The following RNF4 variants were observed in gnomAD, a reference collection of about 807,000 sequenced individuals.
The protein encoded by RNF4 is E3 ubiquitin-protein ligase RNF4.
RNF4 carries 7 observed loss-of-function variants against 24.3 expected under a neutral mutation model. That is an observed-to-expected ratio of 0.29 (90% confidence interval 0.16 to 0.54). The LOEUF (loss-of-function observed/expected upper bound fraction) is 0.54. Among genes scored for constraint, RNF4 ranks in the 20% least tolerant of loss-of-function variants. RNF4 has a pLI of 0.95. For synonymous variants in RNF4, 83 were observed against 84.3 expected, an observed-to-expected ratio of 0.98 and a Z score of 0.09; for missense variants, 209 against 248.5, an observed-to-expected ratio of 0.84 and a Z score of 1.07.
intron 7 of RNF4, among the ~76,000 whole-genome samples, chr4:2,513,434 C>G (rs1027501824): frequency 1.3e-5 from 2 of 152,222 alleles, no homozygotes; most frequent in African/African-American, 4.8e-5. Context: ...ACTGGGGTCC[C>G]TCATAACCCT....
chr4:2,496,267 A>G (rs1735732833), intron 2 of RNF4, among the ~76,000 whole-genome samples: 1 of 152,228 alleles, frequency 6.6e-6, no homozygotes, highest in African/African-American at 2.4e-5. Flanking sequence ...ATAGAAACTC[A>G]GAAAACTCCA....
chr4:2,493,745 A>T (rs1240250649), intron 2 of RNF4, among the ~76,000 whole-genome samples: 3 of 86,618 alleles, frequency 3.5e-5, no homozygotes, highest in African/African-American at 3.4e-4. Flanking sequence ...CTCCGTCTTA[A>T]AAAAAAAAAA....
intron 3 of RNF4, among the ~76,000 whole-genome samples, chr4:2,499,628 T>C (rs993978730): frequency 6.6e-6 from 1 of 152,160 alleles, no homozygotes; most frequent in Non-Finnish European, 1.5e-5. Flanking sequence ...TAAAAATGGT[T>C]GTGCGTCATT....
chr4:2,493,743 T>TAAAAAA (rs34740719), intron 2 of RNF4, among the ~76,000 whole-genome samples: 1 of 88,152 alleles, frequency 1.1e-5, no homozygotes, highest in Non-Finnish European at 2.2e-5. Context: ...GACTCCGTCT[T>TAAAAAA]AAAAAAAAAA....
At chr4:2,478,268 G>C (rs1014754707) in intron 1 of RNF4, among the ~76,000 whole-genome samples, 2 of 152,200 alleles carry the variant, frequency 1.3e-5, no homozygotes, top group African/African-American at 4.8e-5. Context: ...TAAAAGTTTG[G>C]AAAATTTGCA....
At chr4:2,472,162 A>G (rs1734927787) in intron 1 of RNF4, among the ~76,000 whole-genome samples, 1 of 152,222 alleles carries the variant, frequency 6.6e-6, no homozygotes, top group Non-Finnish European at 1.5e-5. Context: ...CTCATTTACC[A>G]TTCTGAAAAT....
chr4:2,507,340 ACAT>A (rs1736133092), intron 4 of RNF4, among the ~76,000 whole-genome samples: 1 of 152,174 alleles, frequency 6.6e-6, no homozygotes, highest in South Asian at 2.1e-4. Flanking sequence ...AAAAGCCCAA[ACAT>A]CATATCCAGG....
At chr4:2,478,304 A>G (rs1024336854) in intron 1 of RNF4, among the ~76,000 whole-genome samples, 1 of 152,250 alleles carries the variant, frequency 6.6e-6, no homozygotes, top group Non-Finnish European at 1.5e-5. Context: ...GCTAGAAAAT[A>G]AAATTCCATT....
chr4:2,500,427 A>G (rs951118670), intron 3 of RNF4, among the ~76,000 whole-genome samples: 7 of 152,262 alleles, frequency 4.6e-5, no homozygotes, highest in African/African-American at 1.7e-4. Flanking sequence ...ATAACCCCCC[A>G]GGTACATTTG....
chr4:2,502,103 CA>C (rs1735929373), intron 4 of RNF4, among the ~76,000 whole-genome samples: 2 of 152,224 alleles, frequency 1.3e-5, no homozygotes, highest in African/African-American at 4.8e-5. Context: ...CTGGCAGCTA[CA>C]GCACAGTCAC....
Position 2,512,331 on chromosome 4 carries a change from G to A in RNF4, c.215-107G>A, listed in dbSNP as rs567072233. 4.4e-4 allele frequency: 572 copies of A among 1,309,624 alleles called. 5 individuals carry two copies. The Admixed American group carries it at 0.01, about 24-fold the overall frequency. The allele number at this position is 1,309,624 out of a possible 1,614,324, so 81.1% of individuals were successfully genotyped here. ...AGCATGGCAGCAGTTTGTCTCTGGG[G>A]GTCCCAGGCAGGGAAGGAAGAGGGT... On this transcript the variant is annotated intron_variant, in intron 5 of 7. Coordinates refer to ENST00000314289, the MANE Select transcript of RNF4 (RefSeq NM_002938.5). The surrounding 1 kb of genome is among the most constrained non-coding windows in gnomAD (Gnocchi z 4.1).
intron 1 of RNF4, chr4:2,479,996 C>G (rs747571660): frequency 1.3e-5 from 2 of 152,126 alleles, no homozygotes; most frequent in Non-Finnish European, 2.9e-5. Context: ...GTAGCACAGT[C>G]ATAACTCACT....
At chr4:2,492,205 A>T (rs2065258252) in intron 2 of RNF4, among the ~76,000 whole-genome samples, 1 of 152,076 alleles carries the variant, frequency 6.6e-6, no homozygotes, top group African/African-American at 2.4e-5. Context: ...CTCAAAAAAA[A>T]AAAAAAGAAA....
At chr4:2,483,601 GGAGACCA>G (rs1169707585) in intron 1 of RNF4, among the ~76,000 whole-genome samples, 9 of 152,012 alleles carry the variant, frequency 5.9e-5, no homozygotes, top group Non-Finnish European at 1.3e-4. Context: ...GTCAGGAGTT[GGAGACCA>G]GCCTGGCCAA....
At chr4:2,489,954 G>A (rs1273892481) in intron 1 of RNF4, 1 of 153,036 alleles carries the variant, frequency 6.5e-6, no homozygotes, top group Non-Finnish European at 1.5e-5. Flanking sequence ...GTGAAATTGT[G>A]GGAAGAACCT....
chr4:2,493,744 A>T (rs1409415811), intron 2 of RNF4, among the ~76,000 whole-genome samples: 2 of 44,530 alleles, frequency 4.5e-5, no homozygotes, highest in Non-Finnish European at 8.0e-5. Flanking sequence ...ACTCCGTCTT[A>T]AAAAAAAAAA....
intron 2 of RNF4, among the ~76,000 whole-genome samples, chr4:2,491,901 T>TGA (rs1350055708): frequency 1.3e-5 from 2 of 151,104 alleles, no homozygotes; most frequent in African/African-American, 2.4e-5. Flanking sequence ...ACCTGGCCAA[T>TGA]TTTTAAGAAA....
chr4:2,511,918 G>C, intron 4 of RNF4, 38 bp from the exon 5 acceptor site: 1 of 1,585,736 alleles, frequency 6.3e-7, no homozygotes, highest in Non-Finnish European at 8.6e-7. Context: ...CAAACTGATT[G>C]CTTCTTTCTC....
At chr4:2,488,965 C>T (rs1415422847) in intron 1 of RNF4, among the ~76,000 whole-genome samples, 1 of 152,070 alleles carries the variant, frequency 6.6e-6, no homozygotes, top group Non-Finnish European at 1.5e-5. Flanking sequence ...CATCCACCAC[C>T]ACTCCAGGCT....
Sources: allele counts gnomAD v4.1 joint callset (sites outside exome capture counted in the v4.1 genomes callset), GRCh38; gene constraint gnomAD v4.1.1; non-coding constraint Gnocchi (gnomAD v3.1); transcripts MANE v1.5; gene names NCBI Gene and HGNC (gene_info 2026-07-23, HGNC 2026-07-21).